CDH18: variants seen among roughly 807,000 people sequenced by gnomAD.
The protein encoded by CDH18 is cadherin-18.
CDH18 carries 31 observed loss-of-function variants against 67.9 expected under a neutral mutation model. That is an observed-to-expected ratio of 0.46 (90% CI 0.34 to 0.62). The LOEUF (loss-of-function observed/expected upper bound fraction) is 0.62, where lower values mean the gene tolerates loss of function less well. CDH18 is among the 20% of genes least tolerant of loss of function. The probability of loss-of-function intolerance (pLI) is 0.01; values close to 1 mark genes in which losing one functional copy is unlikely to be tolerated. For synonymous variants in CDH18, 362 were observed against 347.2 expected, an observed-to-expected ratio of 1.04 and a Z score of -0.48; for missense variants, 890 against 975.5, an observed-to-expected ratio of 0.91 and a Z score of 1.17.
chr5:19,494,732 T>G (rs1742006812), intron 11 of CDH18, among the ~76,000 whole-genome samples: 1 of 152,236 alleles, frequency 6.6e-6, no homozygotes, highest in Admixed American at 6.5e-5. Flanking sequence ...CAGAGATTCC[T>G]CCAACATAGT....
chr5:19,674,990 T>C (rs1409115201), intron 5 of CDH18, among the ~76,000 whole-genome samples: 3 of 152,084 alleles, frequency 2.0e-5, no homozygotes, highest in African/African-American at 7.2e-5. Context: ...TGTCAGCCTG[T>C]CTGAGAAATA....
chr5:19,931,770 C>A (rs1306788038), intron 2 of CDH18, among the ~76,000 whole-genome samples: 1 of 151,516 alleles, frequency 6.6e-6, no homozygotes, highest in Non-Finnish European at 1.5e-5. Context: ...CTTTCTCTTT[C>A]CCCAAGTCCT....
At chr5:19,810,374 G>T (rs1413318912) in intron 3 of CDH18, among the ~76,000 whole-genome samples, 1 of 151,634 alleles carries the variant, frequency 6.6e-6, no homozygotes, top group African/African-American at 2.4e-5. Context: ...AGAAAATAAG[G>T]CAAAAGGAAA....
intron 1 of CDH18, among the ~76,000 whole-genome samples, chr5:20,503,993 ACGCCACTGCTCTCCAGCCT>A (rs1373879428): frequency 2.0e-5 from 3 of 151,478 alleles, no homozygotes; most frequent in African/African-American, 7.3e-5. Flanking sequence ...AGCCCAGATC[ACGCCACTGCTCTCCAGCCT>A]GGGCAACAGA....
At chr5:19,520,859 T>G in intron 9 of CDH18, 81 bp from the exon 10 acceptor site, 10 of 1,445,810 alleles carry the variant, frequency 6.9e-6, no homozygotes, top group Non-Finnish European at 9.4e-6. Flanking sequence ...TTTAATACTG[T>G]AGCTTGTCAC....
At chr5:19,593,908 T>C (rs938738384) in intron 6 of CDH18, among the ~76,000 whole-genome samples, 1 of 152,012 alleles carries the variant, frequency 6.6e-6, no homozygotes, top group African/African-American at 2.4e-5. Context: ...CAACTTGATA[T>C]AGTCCCATTT....
intron 4 of CDH18, 138 bp from the exon 5 acceptor site, chr5:19,721,604 T>C: frequency 1.7e-6 from 1 of 586,032 alleles, no homozygotes; most frequent in Middle Eastern, 5.1e-4. Flanking sequence ...TAAATTTATG[T>C]ATAAAACATA....
At chr5:19,802,913 A>C (rs978957282) in intron 3 of CDH18, among the ~76,000 whole-genome samples, 6 of 152,238 alleles carry the variant, frequency 3.9e-5, no homozygotes, top group Non-Finnish European at 8.8e-5. Flanking sequence ...GGTCTGGCCC[A>C]ATTGTTCCTA....
chr5:20,357,846 G>A (rs539384392), intron 1 of CDH18, among the ~76,000 whole-genome samples: 2 of 152,176 alleles, frequency 1.3e-5, no homozygotes, highest in South Asian at 4.1e-4. Flanking sequence ...ATATGCACTT[G>A]CATGCTCACT....
At chr5:19,761,113 C>T (rs535650322) in intron 3 of CDH18, among the ~76,000 whole-genome samples, 23 of 152,232 alleles carry the variant, frequency 1.5e-4, no homozygotes, top group African/African-American at 5.1e-4. Flanking sequence ...CTGGCGAGGT[C>T]GTGCATGCAT....
rs562097454 is a variant in CDH18 at position 20,376,174 on chromosome 5, G to A, written c.-579-120669C>T. Among the ~76,000 whole-genome samples, 158 of 142,006 alleles carry A rather than the reference G, an allele frequency of 1.1e-3. No individual in the cohort carries two copies. The Middle Eastern group carries it at 0.011, about 10-fold the overall frequency. The allele number at this position is 142,006 out of a possible 152,430, so 93.2% of individuals were successfully genotyped here. A position where few individuals can be genotyped will look rare whatever the true frequency, so the allele number is the denominator to read the frequency against. On this transcript the variant is annotated intron_variant, in intron 1 of 14. Coordinates refer to the CDH18 transcript ENST00000507958. ...GGTGGCGCGATCTCGGCTCACTGCAGGCTCCGCCTCCCGGGTTCACGCCAT... is the reference window on the plus strand; with the variant it reads ...GGTGGCGCGATCTCGGCTCACTGCAAGCTCCGCCTCCCGGGTTCACGCCAT...
chr5:20,555,050 G>A (rs563349311), intron 1 of CDH18, among the ~76,000 whole-genome samples: 30 of 152,252 alleles, frequency 2.0e-4, no homozygotes, highest in South Asian at 1.7e-3. Flanking sequence ...ACATGTTGCC[G>A]TAACCCCCAG....
chr5:20,380,392 A>T (rs1477647649), intron 1 of CDH18, among the ~76,000 whole-genome samples: 1 of 152,212 alleles, frequency 6.6e-6, no homozygotes, highest in African/African-American at 2.4e-5. Flanking sequence ...GCTTTCTAAA[A>T]AATACTTCTT....
intron 1 of CDH18, among the ~76,000 whole-genome samples, chr5:20,362,368 C>T (rs901538627): frequency 6.6e-5 from 10 of 152,064 alleles, no homozygotes; most frequent in East Asian, 1.9e-4. Context: ...GTTGATACAG[C>T]GCCGAGGAAG....
intron 1 of CDH18, among the ~76,000 whole-genome samples, chr5:20,285,380 CATATA>C (rs55913504): frequency 0.21 from 29,362 of 140,092 alleles, 3,397 homozygotes; most frequent in African/African-American, 0.31. Flanking sequence ...GTAATATGGC[CATATA>C]ATATAATATA....
chr5:19,770,278 T>C (rs986140282), intron 3 of CDH18, among the ~76,000 whole-genome samples: 1 of 151,532 alleles, frequency 6.6e-6, no homozygotes, highest in African/African-American at 2.4e-5. Flanking sequence ...AAAAGATACA[T>C]GAAAATGGAA....
chr5:19,755,510 C>CATAT (rs201023882), intron 3 of CDH18, among the ~76,000 whole-genome samples: 2 of 111,340 alleles, frequency 1.8e-5, no homozygotes, highest in South Asian at 3.2e-4. Context: ...TACACACACA[C>CATAT]ATATATATAT....
chr5:19,819,707 G>A (rs1779659058), intron 3 of CDH18, among the ~76,000 whole-genome samples: 1 of 152,224 alleles, frequency 6.6e-6, no homozygotes, highest in South Asian at 2.1e-4. Context: ...GTTTTGTGTG[G>A]GAGGCAGCTG....
chr5:19,968,799 T>G (rs1436353752), intron 2 of CDH18, among the ~76,000 whole-genome samples: 1 of 144,960 alleles, frequency 6.9e-6, no homozygotes, highest in Admixed American at 6.7e-5. Flanking sequence ...ACTTCATGTC[T>G]AAAACACCAA....
Sources: allele counts gnomAD v4.1 joint callset (sites outside exome capture counted in the v4.1 genomes callset), GRCh38; gene constraint gnomAD v4.1.1; transcripts MANE v1.5; gene names NCBI Gene and HGNC (gene_info 2026-07-23, HGNC 2026-07-21).